The following CNDP1 variants were observed in gnomAD, a reference collection of about 807,000 sequenced individuals.
CNDP1 encodes beta-Ala-His dipeptidase.
Under a neutral mutation model 58.1 loss-of-function variants are expected in CNDP1, and 44 were observed. That is an observed-to-expected ratio of 0.76 (90% CI 0.60 to 0.97). The LOEUF (loss-of-function observed/expected upper bound fraction) is 0.97, where lower values mean the gene tolerates loss of function less well. Ranked by LOEUF, CNDP1 falls within the 50% of genes least tolerant of loss-of-function variation. The probability of loss-of-function intolerance (pLI) is 0.00; values close to 1 mark genes in which losing one functional copy is unlikely to be tolerated. For missense variants in CNDP1, 616 were observed against 655.1 expected (o/e 0.94, Z 0.65); for synonymous variants, 254 against 252.6 (o/e 1.01, Z -0.05).
chr18:74,559,578 C>A, intron 3 of CNDP1, 106 bp downstream of exon 3: 1 of 939,246 alleles, frequency 1.1e-6, no homozygotes, highest in Non-Finnish European at 1.5e-6. Context: ...CAACCACAAC[C>A]CCCCATAACC....
intron 7 of CNDP1, among the ~76,000 whole-genome samples, chr18:74,572,790 C>CAAAAAAAAAAAAAAAAA (rs56059264): frequency 1.0e-4 from 6 of 60,064 alleles, no homozygotes; most frequent in Admixed American, 2.0e-4. Flanking sequence ...GACCCTGTAT[C>CAAAAAAAAAAAAAAAAA]AAAAAAAAAA....
At chr18:74,566,019 C>A (rs887359482) in intron 5 of CNDP1, among the ~76,000 whole-genome samples, 1 of 152,246 alleles carries the variant, frequency 6.6e-6, no homozygotes, top group African/African-American at 2.4e-5. Flanking sequence ...CTTCTGTGCA[C>A]CCGCAGGCTC....
intron 1 of CNDP1, among the ~76,000 whole-genome samples, chr18:74,535,154 G>T (rs1304782283): frequency 6.6e-6 from 1 of 152,198 alleles, no homozygotes; most frequent in African/African-American, 2.4e-5. Context: ...TCTCGGCGAG[G>T]TTTCCATGGT....
intron 1 of CNDP1, among the ~76,000 whole-genome samples, chr18:74,555,918 C>A (rs146829953): frequency 2.0e-5 from 3 of 152,176 alleles, no homozygotes; most frequent in Non-Finnish European, 2.9e-5. Context: ...CTCAGAAATT[C>A]TTTTGTCTAA....
At chr18:74,579,929 A>T (rs1233416367) in intron 9 of CNDP1, among the ~76,000 whole-genome samples, 2 of 152,206 alleles carry the variant, frequency 1.3e-5, no homozygotes, top group Admixed American at 1.3e-4. Context: ...TGCTGTCAGC[A>T]CTGAAGAAGG....
At chr18:74,536,066 CAATAT>C (rs1980479136) in intron 1 of CNDP1, among the ~76,000 whole-genome samples, 1 of 152,056 alleles carries the variant, frequency 6.6e-6, no homozygotes, top group Non-Finnish European at 1.5e-5. Flanking sequence ...GTTTTGGACT[CAATAT>C]AATACCCTTT....
chr18:74,573,232 C>G (rs918541527), intron 7 of CNDP1, among the ~76,000 whole-genome samples: 1 of 152,034 alleles, frequency 6.6e-6, no homozygotes, highest in Non-Finnish European at 1.5e-5. Context: ...ATCCATCCAT[C>G]CAACTATCTG....
chr18:74,538,791 A>G (rs1226655678), intron 1 of CNDP1, among the ~76,000 whole-genome samples: 2 of 152,162 alleles, frequency 1.3e-5, no homozygotes, highest in African/African-American at 4.8e-5. Flanking sequence ...AATGATACTG[A>G]ACATTTTTTC....
At chr18:74,555,212 G>C (rs751522861) in intron 1 of CNDP1, among the ~76,000 whole-genome samples, 22 of 152,176 alleles carry the variant, frequency 1.4e-4, no homozygotes, top group Non-Finnish European at 2.4e-4. Context: ...ACAGAGACAG[G>C]CTGGGTTAAA....
intron 10 of CNDP1, among the ~76,000 whole-genome samples, chr18:74,580,968 C>CA (rs1397497986): frequency 6.6e-5 from 10 of 151,958 alleles, no homozygotes; most frequent in Admixed American, 5.9e-4. Context: ...GACCCTGTCT[C>CA]AAAAAATGAA....
At chr18:74,576,716 G>T (rs1011056467) in intron 7 of CNDP1, 153 bp from the exon 8 acceptor site, 10 of 544,038 alleles carry the variant, frequency 1.8e-5, no homozygotes, top group African/African-American at 1.7e-4. Flanking sequence ...TCACTTCTTG[G>T]ATGGAGTTGC....
In CNDP1 at chr18:74,577,130, T is replaced by G. The variant is rs377060000; in HGVS notation, c.1002+101T>G. On this transcript the variant is annotated intron_variant, in intron 8 of 11. Coordinates refer to ENST00000358821, the MANE Select transcript of CNDP1 (RefSeq NM_032649.6). ...TTGTCTGGTGCTAATCTCCGTATCTTAGAATCCAAAGCAGATGTGAATTCC... is the reference window on the plus strand; with the variant it reads ...TTGTCTGGTGCTAATCTCCGTATCTGAGAATCCAAAGCAGATGTGAATTCC... 28 of 1,114,162 alleles carry G rather than the reference T, an allele frequency of 2.5e-5. No individual in the cohort carries two copies. In the East Asian group the frequency reaches 3.2e-4, roughly 13 times the overall value. The allele number at this position is 1,114,162 out of a possible 1,614,324, so 69.0% of individuals were successfully genotyped here.
chr18:74,559,520 C>T (rs1306277196), intron 3 of CNDP1, 48 bp downstream of exon 3: 1 of 1,562,672 alleles, frequency 6.4e-7, no homozygotes, highest in Non-Finnish European at 8.6e-7. Context: ...TTCTAGACGT[C>T]AGTCATGCCT....
At chr18:74,534,804 A>C in intron 1 of CNDP1, 113 bp downstream of exon 1, 1 of 1,121,362 alleles carries the variant, frequency 8.9e-7, no homozygotes, top group East Asian at 2.4e-5. Flanking sequence ...GCGTGGCCCC[A>C]GATGCTGCTC....
intron 6 of CNDP1, among the ~76,000 whole-genome samples, chr18:74,567,715 C>T (rs1981367211): frequency 6.6e-6 from 1 of 152,154 alleles, no homozygotes. Context: ...GAAACTCTGG[C>T]CATGGGATTT....
chr18:74,569,709 A>G (rs1981422546), intron 6 of CNDP1, among the ~76,000 whole-genome samples: 1 of 152,152 alleles, frequency 6.6e-6, no homozygotes, highest in Admixed American at 6.5e-5. Context: ...GGCTCCATGG[A>G]GTTCCCAAGG....
intron 7 of CNDP1, chr18:74,574,622 C>T (rs2144572970): frequency 6.6e-6 from 1 of 152,304 alleles, no homozygotes; most frequent in Non-Finnish European, 1.5e-5. Context: ...GCAGAAATGA[C>T]ATCACGTCAT....
intron 7 of CNDP1, among the ~76,000 whole-genome samples, chr18:74,575,131 AAAAAG>A (rs1355858363): frequency 1.3e-5 from 2 of 152,090 alleles, no homozygotes; most frequent in Non-Finnish European, 2.9e-5. Flanking sequence ...GAAGGAAAGA[AAAAAG>A]AAAGAAGAAA....
Position 74,586,062 on chromosome 18 carries a change from G to A in CNDP1, c.*1500G>A, listed in dbSNP as rs1227904805. 2 of 149,778 alleles carry A rather than the reference G, an allele frequency of 1.3e-5. No individual in the cohort carries two copies. Among genetic ancestry groups the A allele is most frequent in the African/African-American group, 4.9e-5 (2 of 40,732 alleles). The allele number at this position is 149,778 out of a possible 1,614,324, so 9.3% of individuals were successfully genotyped here. A position where few individuals can be genotyped will look rare whatever the true frequency, so the allele number is the denominator to read the frequency against. ...TCAACTTTTTTCCATCACTCTGTTG[G>A]TTCTTGAGATGTCAGTGTCAGTTTA... On this transcript the variant is annotated 3_prime_UTR_variant, in exon 12 of 12. Transcript: ENST00000358821.
Sources: allele counts gnomAD v4.1 joint callset (sites outside exome capture counted in the v4.1 genomes callset), GRCh38; gene constraint gnomAD v4.1.1; transcripts MANE v1.5; gene names NCBI Gene and HGNC (gene_info 2026-07-23, HGNC 2026-07-21).